Variants in PTPRQ observed in about 807,000 individuals in gnomAD.
PTPRQ encodes phosphatidylinositol phosphatase PTPRQ.
In PTPRQ, 199 loss-of-function variants were observed where a neutral mutation model predicts 246.0. The ratio of observed to expected loss-of-function variants is 0.81; its 90% CI spans 0.72 to 0.91. The LOEUF is 0.91. Among genes scored for constraint, PTPRQ ranks in the 40% least tolerant of loss-of-function variants. PTPRQ has a pLI of 0.00. For missense variants in PTPRQ, 2,624 were observed against 2,528.4 expected, an observed-to-expected ratio of 1.04 and a Z score of -0.81; for synonymous variants, 869 against 853.2, an observed-to-expected ratio of 1.02 and a Z score of -0.32.
intron 25 of PTPRQ, among the ~76,000 whole-genome samples, chr12:80,574,372 T>A (rs1465850351): frequency 6.6e-6 from 1 of 152,210 alleles, no homozygotes; most frequent in Non-Finnish European, 1.5e-5. Context: ...CCTCTGACTT[T>A]TAAATGGAGT....
At chr12:80,485,371 C>G (rs1894240017) in intron 9 of PTPRQ, among the ~76,000 whole-genome samples, 1 of 152,130 alleles carries the variant, frequency 6.6e-6, no homozygotes, top group East Asian at 1.9e-4. Context: ...TTCCTTAGGA[C>G]CAGTGCAGCA....
rs187799034 is a variant in PTPRQ at position 80,521,207 on chromosome 12, T to C, written c.2678+10764T>C. 1.9e-3 allele frequency among the ~76,000 whole-genome samples: 287 copies of C among 152,330 alleles called. 2 individuals are homozygous for C. The highest frequency in any genetic ancestry group is 6.7e-3 in the African/African-American group (280 of 41,588). ...TCCTTTGCCCACGTTTTGATGGGGT[T>C]GTTTGTTTTTTTCTTGTAAATTTTG... On this transcript the variant is annotated intron_variant, in intron 17 of 44. Transcript: ENST00000644991.
intron 16 of PTPRQ, 82 bp downstream of exon 16, chr12:80,506,752 A>G (rs1894973629): frequency 9.5e-6 from 12 of 1,259,518 alleles, no homozygotes; most frequent in Non-Finnish European, 1.3e-5. Flanking sequence ...CAATGTAAAA[A>G]CTCCTCTAGT....
At chr12:80,615,711 T>A (rs932675472) in intron 29 of PTPRQ, among the ~76,000 whole-genome samples, 4 of 150,960 alleles carry the variant, frequency 2.6e-5, no homozygotes, top group African/African-American at 4.8e-5. Flanking sequence ...TAGGATTTCA[T>A]CTTAGAGAGG....
chr12:80,504,242 A>G lies in PTPRQ; in HGVS notation c.2273-1782A>G, dbSNP rs111594452. On this transcript the variant is annotated intron_variant, in intron 14 of 44. Transcript: ENST00000644991. ...TCTTGATAATTTCTTCAATACTATC[A>G]TCCTTTTCACTAAAGTTCTCTTCTT... Among the ~76,000 whole-genome samples, 122 of 151,864 alleles carry G rather than the reference A, an allele frequency of 8.0e-4. 1 individual carries two copies. The highest frequency in any genetic ancestry group is 2.9e-3 in the African/African-American group (119 of 41,500).
Position 80,495,329 on chromosome 12 carries a change from G to A in PTPRQ, c.1840G>A (p.Ala614Thr). 1.3e-6 allele frequency: 2 copies of A among 1,536,276 alleles called. No homozygotes were observed. Among genetic ancestry groups the A allele is most frequent in the South Asian group, 1.3e-5 (1 of 79,722 alleles). Residue 614 changes from alanine (A) to threonine (T), a missense_variant, in exon 12 of 45, where the codon GCA becomes ACA. Transcript: ENST00000644991. ...TGCAATGGAATTGGATACAAACAGA[G>A]CATTCCAGATAACTACCATAGATAA... ...IYAMELDTNRAFQITTIDNSF... is the reference protein window; with the variant it reads ...IYAMELDTNRTFQITTIDNSF...
At chr12:80,605,558 A>G (rs1898287129) in intron 27 of PTPRQ, among the ~76,000 whole-genome samples, 1 of 151,310 alleles carries the variant, frequency 6.6e-6, no homozygotes, top group Non-Finnish European at 1.5e-5. Context: ...AGTACGGTAG[A>G]AAGTAATTCA....
intron 4 of PTPRQ, among the ~76,000 whole-genome samples, chr12:80,458,548 T>A (rs1230142460): frequency 1.3e-5 from 2 of 152,002 alleles, no homozygotes; most frequent in African/African-American, 2.4e-5. Flanking sequence ...ATTTTTTTTT[T>A]ATCTCAGACG....
intron 7 of PTPRQ, among the ~76,000 whole-genome samples, chr12:80,470,469 G>C (rs1328825599): frequency 6.6e-6 from 1 of 152,190 alleles, no homozygotes; most frequent in Non-Finnish European, 1.5e-5. Context: ...GCAGAGAAGA[G>C]TAAGTGTAAA....
intron 14 of PTPRQ, among the ~76,000 whole-genome samples, chr12:80,497,037 C>G (rs1229747632): frequency 6.6e-6 from 1 of 151,888 alleles, no homozygotes; most frequent in Non-Finnish European, 1.5e-5. Flanking sequence ...GGGTCCCCAA[C>G]CTTTTTGGCA....
intron 14 of PTPRQ, among the ~76,000 whole-genome samples, chr12:80,497,390 G>A (rs1592584112): frequency 6.6e-6 from 1 of 151,944 alleles, no homozygotes; most frequent in Non-Finnish European, 1.5e-5. Context: ...ATCTAATGTC[G>A]ACACTGATCT....
intron 17 of PTPRQ, among the ~76,000 whole-genome samples, chr12:80,516,876 G>A (rs1726385807): frequency 6.6e-6 from 1 of 152,174 alleles, no homozygotes; most frequent in African/African-American, 2.4e-5. Flanking sequence ...AGTGTATGAA[G>A]GCAGCAGGAA....
At chr12:80,517,933 G>C (rs996510556) in intron 17 of PTPRQ, among the ~76,000 whole-genome samples, 1 of 152,116 alleles carries the variant, frequency 6.6e-6, no homozygotes, top group Non-Finnish European at 1.5e-5. Flanking sequence ...GAAGAGTACT[G>C]CAACAAACAT....
At position 80,444,970 on chromosome 12, in the gene PTPRQ, G is replaced by A. The variant is rs1014531637; in HGVS notation, c.163+121G>A. On this transcript the variant is annotated intron_variant, in intron 2 of 44. Transcript: ENST00000644991. Reference sequence around the variant, plus strand: ...AATTCATGAAAACAGTGTAGAATAAGGCAAAATGGAAACAAGAAAGTGATC... The same window carrying A: ...AATTCATGAAAACAGTGTAGAATAAAGCAAAATGGAAACAAGAAAGTGATC... 4.3e-6 allele frequency: 5 copies of A among 1,175,802 alleles called. No individual in the cohort carries two copies. In the African/African-American group the frequency reaches 8.0e-5, roughly 19 times the overall value. 72.8% of individuals were successfully genotyped at this position (1,175,802 alleles called of 1,614,324 possible). A position where few individuals can be genotyped will look rare whatever the true frequency, so the allele number is the denominator to read the frequency against.
chr12:80,541,532 A>T (rs763634788), intron 20 of PTPRQ, 23 bp from the exon 21 acceptor site: 1 of 1,415,146 alleles, frequency 7.1e-7, no homozygotes, highest in Admixed American at 2.9e-5. Flanking sequence ...TGATTTTTGT[A>T]TTTTGCCCAT....
chr12:80,628,934 A>G (rs1364658608), intron 33 of PTPRQ, among the ~76,000 whole-genome samples: 1 of 152,108 alleles, frequency 6.6e-6, no homozygotes, highest in Non-Finnish European at 1.5e-5. Flanking sequence ...AAAATATCAT[A>G]GATGGGGTGT....
intron 41 of PTPRQ, among the ~76,000 whole-genome samples, chr12:80,670,089 A>G (rs1408135659): frequency 6.6e-6 from 1 of 152,128 alleles, no homozygotes; most frequent in African/African-American, 2.4e-5. Context: ...ACAAAATGGC[A>G]TACTATATTT....
chr12:80,480,750 A>G (rs61950948), intron 8 of PTPRQ, among the ~76,000 whole-genome samples: 3,720 of 152,322 alleles, frequency 0.024, 39 homozygotes, highest in Middle Eastern at 0.065. Flanking sequence ...AAACACCTCT[A>G]TGCAAATAAA....
At chr12:80,473,842 G>T (rs1200333624) in intron 8 of PTPRQ, among the ~76,000 whole-genome samples, 1 of 152,130 alleles carries the variant, frequency 6.6e-6, no homozygotes, top group East Asian at 1.9e-4. Context: ...GACTCCATTT[G>T]CCCTCTATAA....
Sources: allele counts gnomAD v4.1 joint callset (sites outside exome capture counted in the v4.1 genomes callset), GRCh38; gene constraint gnomAD v4.1.1; transcripts MANE v1.5; gene names NCBI Gene and HGNC (gene_info 2026-07-23, HGNC 2026-07-21).